ALKBH3: variants seen among roughly 807,000 people sequenced by gnomAD.
The protein encoded by ALKBH3 is alkB homolog 3, alpha-ketoglutarate dependent dioxygenase, also known as alpha-ketoglutarate-dependent dioxygenase alkB homolog 3.
ALKBH3 carries 51 observed loss-of-function variants against 43.9 expected under a neutral mutation model. The observed-to-expected ratio is 1.16, with a 90% CI of 0.93 to 1.47. The LOEUF (loss-of-function observed/expected upper bound fraction) is 1.47. Ranked by LOEUF, ALKBH3 falls within the 40% of genes most tolerant of loss-of-function variation. The probability of loss-of-function intolerance (pLI) is 0.00; values close to 1 mark genes in which losing one functional copy is unlikely to be tolerated. For missense variants in ALKBH3, 361 were observed against 351.9 expected, an observed-to-expected ratio of 1.03 and a Z score of -0.21; for synonymous variants, 102 against 115.2, an observed-to-expected ratio of 0.89 and a Z score of 0.73.
At chr11:43,915,711 A>G (rs1951978500) in intron 8 of ALKBH3, among the ~76,000 whole-genome samples, 1 of 152,222 alleles carries the variant, frequency 6.6e-6, no homozygotes, top group Non-Finnish European at 1.5e-5. Context: ...TTTGAAATGT[A>G]TATTTAAAGA....
intron 8 of ALKBH3, among the ~76,000 whole-genome samples, chr11:43,907,874 C>T (rs578197032): frequency 2.6e-5 from 4 of 152,186 alleles, no homozygotes; most frequent in Admixed American, 6.5e-5. Context: ...AAGAGTGACA[C>T]GGTCTGATTG....
chr11:43,889,082 G>A (rs1951765446), intron 5 of ALKBH3, among the ~76,000 whole-genome samples: 1 of 152,192 alleles, frequency 6.6e-6, no homozygotes, highest in African/African-American at 2.4e-5. Flanking sequence ...AGGCTAGAGT[G>A]CAATGGTGTC....
At chr11:43,908,075 A>G (rs373821862) in intron 8 of ALKBH3, among the ~76,000 whole-genome samples, 10 of 152,304 alleles carry the variant, frequency 6.6e-5, no homozygotes, top group African/African-American at 2.4e-4. Context: ...TAATGATTTG[A>G]AAGTGTTATT....
rs566088115 is a variant in ALKBH3 at position 43,902,370 on chromosome 11, C to T, written c.669+645C>T. Among the ~76,000 whole-genome samples, 147 of 152,268 alleles carry T rather than the reference C, an allele frequency of 9.7e-4. 1 individual carries two copies. The highest frequency in any genetic ancestry group is 3.4e-3 in the Middle Eastern group (1 of 294). ...ATAATAACTTCAGTTTCCACCCCAG[C>T]GCTTACCTCAATTATGTGACATTTG... On this transcript the variant is annotated intron_variant, in intron 8 of 9. Transcript: ENST00000302708.
At chr11:43,917,399 T>C (rs566626456) in intron 8 of ALKBH3, among the ~76,000 whole-genome samples, 1 of 152,334 alleles carries the variant, frequency 6.6e-6, no homozygotes, top group East Asian at 1.9e-4. Context: ...TGGTTAAGTG[T>C]CTTTCCTTTC....
chr11:43,902,345 A>G (rs1185706274), intron 8 of ALKBH3, among the ~76,000 whole-genome samples: 1 of 152,242 alleles, frequency 6.6e-6, no homozygotes, highest in Non-Finnish European at 1.5e-5. Context: ...TAATAACGAT[A>G]TAATAACTTC....
At chr11:43,907,095 A>G (rs1951900825) in intron 8 of ALKBH3, among the ~76,000 whole-genome samples, 1 of 152,162 alleles carries the variant, frequency 6.6e-6, no homozygotes, top group South Asian at 2.1e-4. Flanking sequence ...GAGTATAGGG[A>G]AGCCTCAGGG....
intron 8 of ALKBH3, 69 bp from the exon 9 acceptor site, chr11:43,918,969 C>T (rs1952005015): frequency 6.3e-6 from 8 of 1,262,700 alleles, no homozygotes; most frequent in Admixed American, 3.7e-5. Context: ...TTTTTTTGAC[C>T]TCTGTCAGGT....
rs564221028 is a variant in ALKBH3, at chr11:43,903,612, A to G, written c.669+1887A>G. Among the ~76,000 whole-genome samples the G allele has an allele frequency of 7.2e-5, 11 of 152,270 alleles. No individual in the cohort carries two copies. The East Asian group carries it at 2.1e-3, about 29-fold the overall frequency. ...TTATCCTTCTGGCCTCCTGATTGGC[A>G]AATAAGCTATAGTATATATAGCCTT... On this transcript the variant is annotated intron_variant, in intron 8 of 9. Transcript: ENST00000302708.
At chr11:43,897,676 G>C (rs1011136545) in intron 7 of ALKBH3, 2 of 839,710 alleles carry the variant, frequency 2.4e-6, no homozygotes, top group African/African-American at 3.3e-5. Context: ...AAGATTGCAG[G>C]AGTTGATTAC....
intron 7 of ALKBH3, chr11:43,898,063 G>A (rs1951832109): frequency 2.0e-6 from 2 of 988,586 alleles, no homozygotes; most frequent in South Asian, 2.6e-5. Context: ...CCCAGATGCT[G>A]TCCTCAAGGA....
At chr11:43,887,147 C>T (rs766342991) in intron 5 of ALKBH3, among the ~76,000 whole-genome samples, 4 of 152,130 alleles carry the variant, frequency 2.6e-5, no homozygotes, top group Non-Finnish European at 4.4e-5. Flanking sequence ...GTAACTTCTG[C>T]CCCTTAAATT....
chr11:43,916,899 C>T (rs1213462890), intron 8 of ALKBH3: 7 of 152,178 alleles, frequency 4.6e-5, no homozygotes, highest in Non-Finnish European at 8.8e-5. Context: ...GGATCCCTTG[C>T]CCTCTTTCCT....
At chr11:43,899,199 T>C in intron 7 of ALKBH3, 1 of 771,914 alleles carries the variant, frequency 1.3e-6, no homozygotes, top group Non-Finnish European at 2.4e-6. Context: ...AATGTGCAGC[T>C]CATAGACAAA....
chr11:43,903,544 G>C (rs913426467), intron 8 of ALKBH3, among the ~76,000 whole-genome samples: 25 of 152,130 alleles, frequency 1.6e-4, no homozygotes, highest in African/African-American at 5.6e-4. Flanking sequence ...TCTCCTCCTG[G>C]AGCTCATCTA....
Position 43,893,690 on chromosome 11 carries a change from T to C in ALKBH3, c.459+1561T>C, listed in dbSNP as rs897685819. ...GCTCATGTCTATAATCCCAACACTT[T>C]GGGAGGTCAAGGTGGAAGGATTGCT... On this transcript the variant is annotated intron_variant, in intron 7 of 9. Coordinates refer to ENST00000302708, the MANE Select transcript of ALKBH3 (RefSeq NM_139178.4). 2.6e-5 allele frequency among the ~76,000 whole-genome samples: 4 copies of C among 152,084 alleles called. No homozygotes were observed. The East Asian group carries it at 7.7e-4, about 29-fold the overall frequency.
chr11:43,906,095 G>A (rs1476229247), intron 8 of ALKBH3, among the ~76,000 whole-genome samples: 2 of 152,164 alleles, frequency 1.3e-5, no homozygotes, highest in African/African-American at 4.8e-5. Flanking sequence ...TTCACCTCAG[G>A]GTGATTGAGC....
intron 5 of ALKBH3, 67 bp from the exon 6 acceptor site, chr11:43,889,658 A>C: frequency 1.5e-6 from 2 of 1,377,874 alleles, no homozygotes; most frequent in Non-Finnish European, 2.1e-6. Flanking sequence ...AACTGTTTCC[A>C]CTAACATTTA....
intron 8 of ALKBH3, among the ~76,000 whole-genome samples, chr11:43,913,608 A>G (rs1951958790): frequency 6.6e-6 from 1 of 152,262 alleles, no homozygotes; most frequent in Non-Finnish European, 1.5e-5. Context: ...AATTCAGTAA[A>G]GGAAGATGAT....
Sources: gnomAD v4.1 joint callset for allele counts (sites outside exome capture counted in the v4.1 genomes callset) on GRCh38, gnomAD v4.1.1 for gene constraint, MANE v1.5 for transcripts, NCBI Gene and HGNC (gene_info 2026-07-23, HGNC 2026-07-21) for gene names.